Variants in SUGCT observed in about 807,000 individuals in gnomAD.
SUGCT encodes succinyl-CoA:glutarate-CoA transferase.
In SUGCT, 41 loss-of-function variants were observed where a neutral mutation model predicts 55.0. The observed-to-expected ratio is 0.74, with a 90% confidence interval of 0.58 to 0.97. SUGCT has a LOEUF of 0.97. SUGCT is among the 50% of genes least tolerant of loss of function. The pLI, the probability that SUGCT is intolerant of heterozygous loss-of-function variation, is 0.00. For missense variants in SUGCT, 568 were observed against 547.8 expected (o/e 1.04, Z -0.37); for synonymous variants, 187 against 200.4 (o/e 0.93, Z 0.56).
chr7:40,905,472 T>C, the SUGCT span, among the ~76,000 whole-genome samples: 3 of 152,212 alleles, frequency 2.0e-5, no homozygotes, highest in Non-Finnish European at 4.4e-5. Flanking sequence ...AACAGAAATG[T>C]ATTTCCTCCC....
rs372117082 is a variant in SUGCT at position 40,265,657 on chromosome 7, C to CA, written c.577-8846dup. Among the ~76,000 whole-genome samples the CA allele has an allele frequency of 7.3e-3, 1,066 of 146,540 alleles. 14 individuals carry two copies. The highest frequency in any genetic ancestry group is 0.023 in the African/African-American group (921 of 40,190). ...GAGATCGGGATGTAAAGGAAACAAA[C>CA]AAAAAAAAAACCTTTGGCTGGTTGC... On this transcript the variant is annotated intron_variant, in intron 7 of 13. Coordinates refer to ENST00000335693, the MANE Select transcript of SUGCT (RefSeq NM_001193313.2).
In SUGCT at chr7:40,263,626, A is replaced by G. The variant is rs80251604; in HGVS notation, c.577-10887A>G. ...GTAAGTTGGATGCTAAAATTTGACT[A>G]TATGATATTATGATTTATAAGTTCA... is the stretch of plus-strand genomic sequence containing the variant. On this transcript the variant is annotated intron_variant, in intron 7 of 13. Coordinates refer to ENST00000335693, the MANE Select transcript of SUGCT (RefSeq NM_001193313.2). Among the ~76,000 whole-genome samples the G allele has an allele frequency of 6.5e-3, 989 of 152,330 alleles. 10 individuals carry two copies. The highest frequency in any genetic ancestry group is 0.023 in the African/African-American group (951 of 41,576).
intron 12 of SUGCT, among the ~76,000 whole-genome samples, chr7:40,745,417 C>G (rs1472128594): frequency 2.0e-5 from 3 of 152,056 alleles, no homozygotes; most frequent in African/African-American, 7.2e-5. Context: ...GACTTTCTTA[C>G]TTTCACTTAA....
the SUGCT span, chr7:40,979,938 G>A: frequency 1.3e-5 from 2 of 152,210 alleles, no homozygotes; most frequent in African/African-American, 2.4e-5. Context: ...TCCTAGGTGA[G>A]TGGGTTCATC....
At chr7:40,450,720 G>A (rs2151430970) in intron 10 of SUGCT, among the ~76,000 whole-genome samples, 1 of 152,004 alleles carries the variant, frequency 6.6e-6, no homozygotes, top group South Asian at 2.1e-4. Context: ...GTTGCAGTGA[G>A]CCGAGATTGC....
At chr7:41,036,276 G>A in the SUGCT span, among the ~76,000 whole-genome samples, 5 of 152,250 alleles carry the variant, frequency 3.3e-5, no homozygotes, top group East Asian at 9.7e-4. Context: ...TTCAATTAAG[G>A]CACCTTTCGA....
At position 40,659,654 on chromosome 7, in the gene SUGCT, T is replaced by G. The variant is rs554369828; in HGVS notation, c.1090-89780T>G. 4.6e-5 allele frequency among the ~76,000 whole-genome samples: 7 copies of G among 152,300 alleles called. No homozygotes were observed. In the South Asian group the frequency reaches 1.5e-3, roughly 32 times the overall value. ...TCATATTGCAGGCTGGTTACCACAG[T>G]GGGCCTTCAGGTTTCTGAAACTTAA... On this transcript the variant is annotated intron_variant, in intron 12 of 13. Transcript: ENST00000335693.
At chr7:40,691,631 A>G (rs1365671568) in intron 12 of SUGCT, among the ~76,000 whole-genome samples, 6 of 152,204 alleles carry the variant, frequency 3.9e-5, no homozygotes, top group Non-Finnish European at 7.3e-5. Context: ...TGGCTTAAGA[A>G]TCCTATCTTT....
chr7:40,383,357 T>C (rs1005410782), intron 9 of SUGCT, among the ~76,000 whole-genome samples: 6 of 152,224 alleles, frequency 3.9e-5, no homozygotes, highest in African/African-American at 9.6e-5. Flanking sequence ...GTGATTAAAA[T>C]TGAAGTAGCA....
intron 9 of SUGCT, among the ~76,000 whole-genome samples, chr7:40,437,507 T>C (rs1788244266): frequency 6.6e-6 from 1 of 152,186 alleles, no homozygotes; most frequent in South Asian, 2.1e-4. Flanking sequence ...AATGCCAAAT[T>C]GGTAGTAGGT....
chr7:40,496,778 T>C (rs1313371296), intron 12 of SUGCT, among the ~76,000 whole-genome samples: 2 of 152,116 alleles, frequency 1.3e-5, no homozygotes, highest in Non-Finnish European at 2.9e-5. Flanking sequence ...GATCATATGA[T>C]TATACCTCTG....
chr7:40,617,290 C>T (rs1013977950), intron 12 of SUGCT, among the ~76,000 whole-genome samples: 1 of 152,114 alleles, frequency 6.6e-6, no homozygotes, highest in African/African-American at 2.4e-5. Flanking sequence ...AGAGGTCATC[C>T]AGTCCTAGGC....
At chr7:40,135,184 GCCCTGAGGAGA>G (rs1787612996) in intron 1 of SUGCT, 64 bp downstream of exon 1, 1 of 1,491,100 alleles carries the variant, frequency 6.7e-7, no homozygotes, top group Non-Finnish European at 9.0e-7. Flanking sequence ...CTCCTCGGGC[GCCCTGAGGAGA>G]GCAATTAGGG....
At chr7:40,606,445 G>A (rs988147393) in intron 12 of SUGCT, among the ~76,000 whole-genome samples, 7 of 152,114 alleles carry the variant, frequency 4.6e-5, no homozygotes, top group Non-Finnish European at 1.5e-5. Context: ...AATGCAAAAG[G>A]GCGAGATTTG....
At chr7:40,605,442 T>C (rs1367993428) in intron 12 of SUGCT, among the ~76,000 whole-genome samples, 1 of 152,236 alleles carries the variant, frequency 6.6e-6, no homozygotes, top group East Asian at 1.9e-4. Flanking sequence ...CATATTTGTG[T>C]GGCTTTCCTT....
At chr7:40,735,646 A>G (rs1464452345) in intron 12 of SUGCT, among the ~76,000 whole-genome samples, 1 of 152,180 alleles carries the variant, frequency 6.6e-6, no homozygotes, top group Non-Finnish European at 1.5e-5. Context: ...AAACTTCAAA[A>G]TAAAGGTCGG....
chr7:40,998,393 T>C, the SUGCT span, among the ~76,000 whole-genome samples: 3 of 151,548 alleles, frequency 2.0e-5, no homozygotes, highest in African/African-American at 7.3e-5. Flanking sequence ...CTAGGTGTGT[T>C]GAACTGAGTA....
At chr7:40,580,910 T>C (rs1167895948) in intron 12 of SUGCT, among the ~76,000 whole-genome samples, 2 of 152,188 alleles carry the variant, frequency 1.3e-5, no homozygotes, top group Non-Finnish European at 2.9e-5. Context: ...CATCTATTAA[T>C]AGATTTGTGT....
the SUGCT span, among the ~76,000 whole-genome samples, chr7:40,952,592 C>G: frequency 6.6e-6 from 1 of 152,096 alleles, no homozygotes; most frequent in Non-Finnish European, 1.5e-5. Flanking sequence ...TGGCTGGTAC[C>G]AGTTGTTCCT....
Sources: allele counts gnomAD v4.1 joint callset (sites outside exome capture counted in the v4.1 genomes callset), GRCh38; gene constraint gnomAD v4.1.1; transcripts MANE v1.5; gene names NCBI Gene and HGNC (gene_info 2026-07-23, HGNC 2026-07-21).